Variants in MYO18B observed in about 807,000 individuals in gnomAD.
The protein encoded by MYO18B is unconventional myosin-XVIIIb.
MYO18B carries 204 observed loss-of-function variants against 273.0 expected under a neutral mutation model. That is an observed-to-expected ratio of 0.75 (90% CI 0.67 to 0.84). The LOEUF (loss-of-function observed/expected upper bound fraction) is 0.84, where lower values mean the gene tolerates loss of function less well. Ranked by LOEUF, MYO18B falls within the 40% of genes least tolerant of loss-of-function variation. The probability of loss-of-function intolerance (pLI) is 0.00; values close to 1 mark genes in which losing one functional copy is unlikely to be tolerated. For missense variants in MYO18B, 3,212 were observed against 3,287.6 expected (o/e 0.98, Z 0.56); for synonymous variants, 1,330 against 1,305.7 (o/e 1.02, Z -0.40).
chr22:25,882,184 A>AAACCCCTAAAACAGGGATCAGT (rs145022674), intron 25 of MYO18B, among the ~76,000 whole-genome samples: 32,556 of 151,874 alleles, frequency 0.21, 4,822 homozygotes, highest in East Asian at 0.41. Context: ...AGCTAGACTG[A>AAACCCCTAAAACAGGGATCAGT]AATCCCTGTT....
intron 23 of MYO18B, among the ~76,000 whole-genome samples, chr22:25,874,888 G>A (rs1439961730): frequency 1.3e-5 from 2 of 152,182 alleles, no homozygotes; most frequent in African/African-American, 4.8e-5. Context: ...ATATATGTTC[G>A]AATTCCACCT....
chr22:25,966,549 GCCCT>G (rs140161415), intron 39 of MYO18B, among the ~76,000 whole-genome samples: 2 of 152,280 alleles, frequency 1.3e-5, no homozygotes, highest in East Asian at 3.9e-4. Flanking sequence ...CAGGGAGATA[GCCCT>G]CCTAATTACT....
chr22:26,046,562 C>G, the MYO18B span, among the ~76,000 whole-genome samples: 1 of 152,150 alleles, frequency 6.6e-6, no homozygotes, highest in Admixed American at 6.5e-5. Flanking sequence ...CCCTCTGCTC[C>G]CACCACTGCC....
At chr22:26,009,936 T>G (rs2146941666) in intron 42 of MYO18B, among the ~76,000 whole-genome samples, 1 of 152,322 alleles carries the variant, frequency 6.6e-6, no homozygotes, top group African/African-American at 2.4e-5. Flanking sequence ...TCTTATTGTC[T>G]ATACTGATCA....
At chr22:25,763,018 C>G in intron 2 of MYO18B, 1 of 737,898 alleles carries the variant, frequency 1.4e-6, no homozygotes, top group East Asian at 2.7e-5. Flanking sequence ...CGCATAATTC[C>G]TGGCTGCCCC....
At chr22:25,903,292 C>G (rs957189396) in intron 30 of MYO18B, 1 of 264,286 alleles carries the variant, frequency 3.8e-6, no homozygotes, top group African/African-American at 2.2e-5. Context: ...CAATCCCAGC[C>G]TCAGACGGCA....
intron 39 of MYO18B, among the ~76,000 whole-genome samples, chr22:25,967,864 C>G (rs1293965752): frequency 6.6e-6 from 1 of 152,212 alleles, no homozygotes; most frequent in Non-Finnish European, 1.5e-5. Flanking sequence ...GTGTCCATCT[C>G]TTCCCAATTC....
At chr22:25,991,642 G>A (rs117567696) in intron 39 of MYO18B, among the ~76,000 whole-genome samples, 45 of 152,322 alleles carry the variant, frequency 3.0e-4, no homozygotes, top group Non-Finnish European at 6.0e-4. Context: ...CAGAGGCACC[G>A]AGCTTGAGTT....
At chr22:25,972,501 A>T (rs952538789) in intron 39 of MYO18B, among the ~76,000 whole-genome samples, 1 of 152,202 alleles carries the variant, frequency 6.6e-6, no homozygotes, top group Admixed American at 6.5e-5. Context: ...TGGCTATAGA[A>T]ATGTAGAGTC....
At chr22:26,016,667 T>C (rs1396502961) in intron 42 of MYO18B, among the ~76,000 whole-genome samples, 1 of 152,200 alleles carries the variant, frequency 6.6e-6, no homozygotes, top group Non-Finnish European at 1.5e-5. Flanking sequence ...TTCTTTCCAT[T>C]CTACAAGCTT....
At chr22:25,743,529 G>A (rs1016201749) in intron 1 of MYO18B, among the ~76,000 whole-genome samples, 4 of 151,826 alleles carry the variant, frequency 2.6e-5, no homozygotes, top group African/African-American at 4.8e-5. Context: ...AAAAGCAGGA[G>A]GAGAAAGAGA....
chr22:25,830,828 AC>A, intron 15 of MYO18B, among the ~76,000 whole-genome samples: 1 of 152,368 alleles, frequency 6.6e-6, no homozygotes, highest in East Asian at 1.9e-4. Context: ...GAGTATAGAT[AC>A]AGGGAAGTGC....
At chr22:25,804,696 A>G (rs898872412) in intron 12 of MYO18B, among the ~76,000 whole-genome samples, 1 of 152,214 alleles carries the variant, frequency 6.6e-6, no homozygotes, top group Non-Finnish European at 1.5e-5. Flanking sequence ...CACCCTCCAT[A>G]TAAACTTCTT....
Position 25,947,487 on chromosome 22 carries a change from T to TACACAC in MYO18B, c.5632-174_5632-169dup, listed in dbSNP as rs57844236. Among the ~76,000 whole-genome samples the TACACAC allele has an allele frequency of 0.086, 9,510 of 110,176 alleles. 698 individuals carry two copies. Among genetic ancestry groups the TACACAC allele is most frequent in the Admixed American group, 0.1 (1,099 of 10,534 alleles). 72.3% of individuals were successfully genotyped at this position (110,176 alleles called of 152,430 possible). ...ATTCATAGTCACATGTAATGCCTAA[T>TACACAC]ACACACACACACACACACACACACA... On this transcript the variant is annotated intron_variant, in intron 35 of 43. Coordinates refer to ENST00000335473, the MANE Select transcript of MYO18B (RefSeq NM_032608.7).
intron 39 of MYO18B, among the ~76,000 whole-genome samples, chr22:25,968,221 A>C (rs1272519167): frequency 1.3e-5 from 2 of 152,144 alleles, no homozygotes; most frequent in Non-Finnish European, 2.9e-5. Flanking sequence ...CCCACACCTA[A>C]ACCAAGCACT....
intron 39 of MYO18B, among the ~76,000 whole-genome samples, chr22:25,982,317 A>G (rs910384081): frequency 6.6e-6 from 1 of 152,194 alleles, no homozygotes; most frequent in African/African-American, 2.4e-5. Context: ...CAGTAGCCAC[A>G]TCAGTGAGCC....
At chr22:25,787,669 G>T (rs1447865112) in intron 11 of MYO18B, among the ~76,000 whole-genome samples, 1 of 152,160 alleles carries the variant, frequency 6.6e-6, no homozygotes, top group African/African-American at 2.4e-5. Flanking sequence ...ACTCATGCAT[G>T]AAACAAGCTG....
At chr22:25,823,414 G>A in intron 12 of MYO18B, 91 bp from the exon 13 acceptor site, 1 of 1,364,612 alleles carries the variant, frequency 7.3e-7, no homozygotes, top group Non-Finnish European at 9.9e-7. Context: ...GAGATTGGGA[G>A]GGTGCTGAGA....
At chr22:25,837,420 G>A (rs1188317475) in intron 17 of MYO18B, among the ~76,000 whole-genome samples, 1 of 152,214 alleles carries the variant, frequency 6.6e-6, no homozygotes, top group Non-Finnish European at 1.5e-5. Flanking sequence ...CTTATCAAAT[G>A]CGGCTGAAAG....
Sources: gnomAD v4.1 joint callset for allele counts (sites outside exome capture counted in the v4.1 genomes callset) on GRCh38, gnomAD v4.1.1 for gene constraint, MANE v1.5 for transcripts, NCBI Gene and HGNC (gene_info 2026-07-23, HGNC 2026-07-21) for gene names.